The following DRD3 variants were observed in gnomAD, a reference collection of about 807,000 sequenced individuals.
DRD3 encodes the protein dopamine receptor D3.
In DRD3, 19 loss-of-function variants were observed where a neutral mutation model predicts 36.3. The ratio of observed to expected loss-of-function variants is 0.52; its 90% CI spans 0.36 to 0.77. The LOEUF (loss-of-function observed/expected upper bound fraction) is 0.77. Ranked by LOEUF, DRD3 falls within the 30% of genes least tolerant of loss-of-function variation. DRD3 has a pLI of 0.00. For missense variants in DRD3, 465 were observed against 505.3 expected (o/e 0.92, Z 0.77); for synonymous variants, 195 against 203.7 (o/e 0.96, Z 0.36).
At chr3:114,190,028 G>T (rs553134136) in intron 1 of DRD3, among the ~76,000 whole-genome samples, 2 of 152,176 alleles carry the variant, frequency 1.3e-5, no homozygotes, top group East Asian at 3.9e-4. Context: ...CACAGCAGAT[G>T]GGGAAAAAAG....
chr3:114,195,594 T>G (rs1470953347), intron 1 of DRD3, among the ~76,000 whole-genome samples: 1 of 152,200 alleles, frequency 6.6e-6, no homozygotes, highest in Non-Finnish European at 1.5e-5. Flanking sequence ...AAGACATAAA[T>G]TGACTTTTAA....
chr3:114,175,257 A>T (rs2077886861), intron 1 of DRD3, among the ~76,000 whole-genome samples: 1 of 152,164 alleles, frequency 6.6e-6, no homozygotes, highest in Non-Finnish European at 1.5e-5. Context: ...ATAGCACTAG[A>T]AATATAGTTG....
intron 5 of DRD3, among the ~76,000 whole-genome samples, chr3:114,133,751 A>G (rs1433307238): frequency 1.4e-4 from 2 of 13,836 alleles, no homozygotes; most frequent in African/African-American, 2.4e-4. Flanking sequence ...TCATGTTTGA[A>G]GAATCAGACT....
intron 1 of DRD3, among the ~76,000 whole-genome samples, chr3:114,185,771 GCT>G (rs2077971960): frequency 6.6e-6 from 1 of 152,072 alleles, no homozygotes; most frequent in Admixed American, 6.6e-5. Flanking sequence ...AAACTCCTGG[GCT>G]CAAGCAATCT....
chr3:114,182,135 AGT>A (rs1469013880), upstream of DRD3, among the ~76,000 whole-genome samples: 13 of 152,316 alleles, frequency 8.5e-5, no homozygotes, highest in African/African-American at 3.1e-4. Flanking sequence ...AAGTTGTAAA[AGT>A]GTAAATGAAA....
chr3:114,141,789 C>T (rs1456882442), intron 4 of DRD3, among the ~76,000 whole-genome samples: 1 of 152,064 alleles, frequency 6.6e-6, no homozygotes, highest in African/African-American at 2.4e-5. Flanking sequence ...TGGTGGCTCA[C>T]GCCTGTAATC....
intron 3 of DRD3, 23 bp downstream of exon 3, chr3:114,159,732 T>G: frequency 6.2e-7 from 1 of 1,609,038 alleles, no homozygotes; most frequent in South Asian, 1.1e-5. Flanking sequence ...TTGGGCCACC[T>G]GGAAGGGGAA....
chr3:114,166,266 G>A (rs754452066), intron 2 of DRD3, among the ~76,000 whole-genome samples: 1 of 152,110 alleles, frequency 6.6e-6, no homozygotes, highest in African/African-American at 2.4e-5. Context: ...GATTACAGGC[G>A]TGAGCCACCG....
chr3:114,138,476 A>G (rs2077495205), intron 5 of DRD3, among the ~76,000 whole-genome samples: 1 of 152,156 alleles, frequency 6.6e-6, no homozygotes, highest in African/African-American at 2.4e-5. Context: ...ACTCCCCCTC[A>G]TAAAACCATC....
intron 3 of DRD3, among the ~76,000 whole-genome samples, chr3:114,153,602 A>C (rs2077638408): frequency 6.6e-6 from 1 of 151,490 alleles, no homozygotes; most frequent in Non-Finnish European, 1.5e-5. Context: ...TGACAGGTTA[A>C]TTGACTTGCC....
intron 5 of DRD3, among the ~76,000 whole-genome samples, chr3:114,137,975 G>A (rs1385373562): frequency 5.6e-5 from 7 of 125,098 alleles, no homozygotes; most frequent in African/African-American, 1.8e-4. Flanking sequence ...TCCCGCCTGG[G>A]CCACAGAGCG....
chr3:114,187,854 A>G (rs553977833), intron 1 of DRD3, among the ~76,000 whole-genome samples: 3 of 152,308 alleles, frequency 2.0e-5, no homozygotes, highest in Non-Finnish European at 2.9e-5. Flanking sequence ...ATAAGGTTCT[A>G]GTCATATTAG....
intron 1 of DRD3, among the ~76,000 whole-genome samples, chr3:114,197,097 T>C (rs1213863868): frequency 6.6e-6 from 1 of 150,922 alleles, no homozygotes; most frequent in East Asian, 1.9e-4. Flanking sequence ...ACTTGTCTAA[T>C]AGTCTTTTAT....
At chr3:114,129,913 C>A (rs1240156552) in intron 6 of DRD3, among the ~76,000 whole-genome samples, 1 of 151,966 alleles carries the variant, frequency 6.6e-6, no homozygotes, top group Non-Finnish European at 1.5e-5. Context: ...CAAAAATTAG[C>A]CGGGTGTGGT....
intron 3 of DRD3, among the ~76,000 whole-genome samples, chr3:114,148,122 G>A (rs1259245293): frequency 6.6e-6 from 1 of 152,206 alleles, no homozygotes; most frequent in Non-Finnish European, 1.5e-5. Flanking sequence ...AGAAAGGGAA[G>A]AATAAAAAAG....
At chr3:114,164,824 T>C (rs1259015579) in intron 2 of DRD3, among the ~76,000 whole-genome samples, 1 of 152,236 alleles carries the variant, frequency 6.6e-6, no homozygotes, top group East Asian at 1.9e-4. Flanking sequence ...CAATCTCGGC[T>C]CACTGCAATC....
chr3:114,135,584 T>C (rs1285443939), intron 5 of DRD3, among the ~76,000 whole-genome samples: 1 of 152,280 alleles, frequency 6.6e-6, no homozygotes, highest in Non-Finnish European at 1.5e-5. Context: ...TTTTGGTTTT[T>C]AGTTTGATGG....
At position 114,171,813 on chromosome 3, in the gene DRD3, C is replaced by G; in HGVS notation, c.180G>C (p.Leu60=). The G allele has an allele frequency of 6.2e-7, 1 of 1,614,090 alleles. No homozygotes were observed. The highest frequency in any genetic ancestry group is 8.5e-7 in the Non-Finnish European group (1 of 1,179,968). Residue 60 remains leucine (L), a synonymous_variant, in exon 2 of 7, where the codon CTG becomes CTC. Coordinates refer to ENST00000383673, the MANE Select transcript of DRD3 (RefSeq NM_000796.6). ...VCMAVLKERA[L]QTTTNYLVVS... is the part of the protein sequence containing the mutation. Reference sequence around the variant, plus strand: ...CTACTAAGTAGTTGGTGGTAGTCTGCAGGGCCCGCTCCTTCAGCACAGCCA... The same window carrying G: ...CTACTAAGTAGTTGGTGGTAGTCTGGAGGGCCCGCTCCTTCAGCACAGCCA...
At chr3:114,142,021 C>T (rs1026913322) in intron 4 of DRD3, among the ~76,000 whole-genome samples, 8 of 141,364 alleles carry the variant, frequency 5.7e-5, no homozygotes, top group African/African-American at 7.9e-5. Flanking sequence ...GCACTCCAGC[C>T]TGGGCGATAG....
Sources: allele counts gnomAD v4.1 joint callset (sites outside exome capture counted in the v4.1 genomes callset), GRCh38; gene constraint gnomAD v4.1.1; transcripts MANE v1.5; gene names NCBI Gene and HGNC (gene_info 2026-07-23, HGNC 2026-07-21).